COA1: variants seen among roughly 807,000 people sequenced by gnomAD.
COA1 encodes cytochrome c oxidase assembly factor 1 homolog.
Under a neutral mutation model 16.0 loss-of-function variants are expected in COA1, and 13 were observed. That is an observed-to-expected ratio of 0.81 (90% CI 0.53 to 1.29). The LOEUF (loss-of-function observed/expected upper bound fraction) is 1.29, where lower values mean the gene tolerates loss of function less well. COA1 is among the 50% of genes most tolerant of loss of function. The pLI is 0.00. For missense variants in COA1, 179 were observed against 177.0 expected (o/e 1.01, Z -0.06); for synonymous variants, 65 against 65.7 (o/e 0.99, Z 0.05).
At chr7:43,660,819 C>A (rs2092347049) in intron 1 of COA1, among the ~76,000 whole-genome samples, 1 of 152,222 alleles carries the variant, frequency 6.6e-6, no homozygotes, top group Non-Finnish European at 1.5e-5. Context: ...TGGCCTCATT[C>A]CTCTCTAGTC....
chr7:43,634,355 G>A (rs569096703), downstream of COA1, among the ~76,000 whole-genome samples: 3 of 152,312 alleles, frequency 2.0e-5, no homozygotes, highest in South Asian at 2.1e-4. Context: ...GGTGACGGGG[G>A]CATGTGGTGG....
intron 1 of COA1, among the ~76,000 whole-genome samples, chr7:43,717,006 G>T (rs1301199790): frequency 6.6e-6 from 1 of 152,216 alleles, no homozygotes; most frequent in African/African-American, 2.4e-5. Flanking sequence ...CCTCCACCTA[G>T]ATTTCAGAAG....
rs1477816275 is a variant in COA1, at chr7:43,729,486, G to C, written c.-96C>G. Reference sequence around the variant, plus strand: ...GCATGACGAGTTCTTCCAGGCTTGGGAAAGCACGGGTAAATGCCCGCGGTC... The same window carrying C: ...GCATGACGAGTTCTTCCAGGCTTGGCAAAGCACGGGTAAATGCCCGCGGTC... On this transcript the variant is annotated 5_prime_UTR_variant, in exon 1 of 6. Coordinates refer to ENST00000223336, the MANE Select transcript of COA1 (RefSeq NM_018224.4). The C allele has an allele frequency of 6.6e-6, 1 of 152,342 alleles. No homozygotes were observed. 9.4% of individuals were successfully genotyped at this position (152,342 alleles called of 1,614,324 possible).
At chr7:43,633,694 T>C (rs1021619791) in intron 6 of COA1, among the ~76,000 whole-genome samples, 2 of 152,170 alleles carry the variant, frequency 1.3e-5, no homozygotes, top group Admixed American at 1.3e-4. Flanking sequence ...ACCCACAATT[T>C]GTAAAAAACA....
At chr7:43,611,288 G>A (rs2082854014) in intron 6 of COA1, among the ~76,000 whole-genome samples, 1 of 152,162 alleles carries the variant, frequency 6.6e-6, no homozygotes, top group African/African-American at 2.4e-5. Flanking sequence ...AGAAAACAAT[G>A]TGGAAGTTTT....
At chr7:43,618,729 T>C (rs2083575081) in intron 6 of COA1, among the ~76,000 whole-genome samples, 1 of 152,202 alleles carries the variant, frequency 6.6e-6, no homozygotes, top group African/African-American at 2.4e-5. Context: ...TGGGTAAAAA[T>C]GACTCCATGG....
chr7:43,721,056 A>T (rs775648365), intron 1 of COA1, among the ~76,000 whole-genome samples: 16 of 152,248 alleles, frequency 1.1e-4, no homozygotes, highest in Non-Finnish European at 2.1e-4. Context: ...AAACATCTGA[A>T]GTCACACTGA....
chr7:43,729,283 G>C (rs550913586), intron 1 of COA1, 146 bp downstream of exon 1: 1 of 152,302 alleles, frequency 6.6e-6, no homozygotes, highest in Non-Finnish European at 1.5e-5. Flanking sequence ...GCGACCCGGC[G>C]CCGGCGCGAA....
At position 43,675,259 on chromosome 7, in the gene COA1, T is replaced by C. The variant is rs563487121; in HGVS notation, c.-38-26607A>G. 3.3e-5 allele frequency among the ~76,000 whole-genome samples: 5 copies of C among 152,256 alleles called. No individual in the cohort carries two copies. In the East Asian group the frequency reaches 9.6e-4, roughly 29 times the overall value. On this transcript the variant is annotated intron_variant, in intron 1 of 5. Transcript: ENST00000223336. Reference sequence around the variant, plus strand: ...TGGAATACTATGCAGCCATAAAAAATGAAGACTTCATGTCCTTTGTAGGGA... The same window carrying C: ...TGGAATACTATGCAGCCATAAAAAACGAAGACTTCATGTCCTTTGTAGGGA...
chr7:43,694,151 A>G (rs1372059339), intron 1 of COA1, among the ~76,000 whole-genome samples: 1 of 147,788 alleles, frequency 6.8e-6, no homozygotes, highest in Non-Finnish European at 1.5e-5. Flanking sequence ...AGTTCCTTTC[A>G]TCTCCTCAGC....
At chr7:43,648,993 G>A (rs1051388701) in intron 1 of COA1, 4 of 204,348 alleles carry the variant, frequency 2.0e-5, no homozygotes, top group Non-Finnish European at 4.0e-5. Context: ...TGGACCTGCA[G>A]AAGCAAGATG....
chr7:43,668,031 G>A (rs868683011), intron 1 of COA1, among the ~76,000 whole-genome samples: 5 of 152,012 alleles, frequency 3.3e-5, no homozygotes, highest in Non-Finnish European at 5.9e-5. Flanking sequence ...TTTCTTTGTC[G>A]ACAGGACACA....
At chr7:43,667,588 C>T (rs1293351969) in intron 1 of COA1, among the ~76,000 whole-genome samples, 2 of 152,054 alleles carry the variant, frequency 1.3e-5, no homozygotes, top group African/African-American at 4.8e-5. Flanking sequence ...TTGCTTTGTT[C>T]CTTCTCAAAA....
chr7:43,626,044 TA>T (rs2084496190), intron 6 of COA1: 1 of 152,208 alleles, frequency 6.6e-6, no homozygotes, highest in African/African-American at 2.4e-5. Context: ...TATGGAAATG[TA>T]AAAGTGTATG....
chr7:43,703,892 A>T (rs977614345), intron 1 of COA1, among the ~76,000 whole-genome samples: 4 of 152,184 alleles, frequency 2.6e-5, no homozygotes, highest in Admixed American at 6.5e-5. Context: ...GTTGTTATGT[A>T]GATAATATAC....
At chr7:43,610,981 G>A (rs747533436) in intron 6 of COA1, among the ~76,000 whole-genome samples, 3 of 152,084 alleles carry the variant, frequency 2.0e-5, no homozygotes, top group Non-Finnish European at 2.9e-5. Context: ...GCTGGGTGTG[G>A]TGGCAGGCAC....
chr7:43,678,325 T>A (rs1316207019), intron 1 of COA1, among the ~76,000 whole-genome samples: 1 of 152,096 alleles, frequency 6.6e-6, no homozygotes, highest in East Asian at 1.9e-4. Flanking sequence ...ACACAAAAAT[T>A]AACTCAAAAT....
chr7:43,616,896 C>CA (rs2083404789), intron 6 of COA1, among the ~76,000 whole-genome samples: 1 of 151,948 alleles, frequency 6.6e-6, no homozygotes, highest in African/African-American at 2.4e-5. Flanking sequence ...GACTCCGTCT[C>CA]AAAAAAGGAG....
At chr7:43,628,510 C>T (rs542810331) in intron 6 of COA1, among the ~76,000 whole-genome samples, 2 of 152,324 alleles carry the variant, frequency 1.3e-5, no homozygotes, top group Admixed American at 1.3e-4. Flanking sequence ...GTATATTTAA[C>T]TTTTTAAGAA....
Sources: gnomAD v4.1 joint callset for allele counts (sites outside exome capture counted in the v4.1 genomes callset) on GRCh38, gnomAD v4.1.1 for gene constraint, MANE v1.5 for transcripts, NCBI Gene and HGNC (gene_info 2026-07-23, HGNC 2026-07-21) for gene names.